The following USP22 variants were observed in gnomAD, a reference collection of about 807,000 sequenced individuals.
USP22 encodes ubiquitin carboxyl-terminal hydrolase 22.
A neutral mutation model predicts 68.1 loss-of-function variants in USP22; 22 were observed. That is an observed-to-expected ratio of 0.32 (90% CI 0.23 to 0.46). The LOEUF (loss-of-function observed/expected upper bound fraction) is 0.46. Among genes scored for constraint, USP22 ranks in the 20% least tolerant of loss-of-function variants. The pLI is 1.00. For missense variants in USP22, 433 were observed against 695.8 expected (o/e 0.62, Z 4.25); for synonymous variants, 279 against 274.2 (o/e 1.02, Z -0.17).
rs1913579105 is a variant in USP22, at chr17:21,001,602, GCTGT to G, written c.*1425_*1428del. 6.6e-6 allele frequency: 1 copy of G among 152,120 alleles called. No individual in the cohort carries two copies. The highest frequency in any genetic ancestry group is 6.5e-5 in the Admixed American group (1 of 15,270). 9.4% of individuals were successfully genotyped at this position (152,120 alleles called of 1,614,324 possible). ...CAGAGCCAACAGTGTTTACTCCCTG[GCTGT>G]CTATGAAAACATCTGCCCACCGCTG... is the stretch of plus-strand genomic sequence containing the variant. On this transcript the variant is annotated 3_prime_UTR_variant, in exon 13 of 13. Transcript: ENST00000261497.
chr17:21,027,498 G>A (rs1177401143), intron 2 of USP22, among the ~76,000 whole-genome samples: 5 of 150,622 alleles, frequency 3.3e-5, no homozygotes, highest in Admixed American at 3.3e-4. Context: ...CTTCAGGGCG[G>A]GAAAGCCTAA....
chr17:21,007,167 C>T (rs548789936), intron 9 of USP22, among the ~76,000 whole-genome samples, 180 bp from the exon 10 acceptor site: 3 of 152,310 alleles, frequency 2.0e-5, no homozygotes, highest in Non-Finnish European at 4.4e-5. Flanking sequence ...CACCCAAGTC[C>T]TCATTTACAG....
intron 1 of USP22, among the ~76,000 whole-genome samples, chr17:21,032,204 C>T (rs58235085): frequency 0.2 from 30,962 of 152,246 alleles, 3,867 homozygotes; most frequent in South Asian, 0.29. Flanking sequence ...CCATCTCACA[C>T]AGCCTGGGTG....
intron 8 of USP22, among the ~76,000 whole-genome samples, chr17:21,010,742 G>C (rs537337213): frequency 4.0e-5 from 6 of 151,890 alleles, no homozygotes; most frequent in South Asian, 4.2e-4. Context: ...TTCAAAAACA[G>C]CCCTAAGAGT....
intron 1 of USP22, among the ~76,000 whole-genome samples, chr17:21,037,448 T>C (rs373273787): frequency 3.3e-5 from 5 of 152,204 alleles, no homozygotes; most frequent in African/African-American, 7.2e-5. Context: ...CTTGACAGCA[T>C]CATCCTTAAT....
rs149886063 is a variant in USP22 at position 20,999,949 on chromosome 17, A to C, written c.*3082T>G. The C allele has an allele frequency of 1.3e-5, 2 of 152,456 alleles. No homozygotes were observed. The highest frequency in any genetic ancestry group is 4.8e-5 in the African/African-American group (2 of 41,560). 9.4% of individuals were successfully genotyped at this position (152,456 alleles called of 1,614,324 possible). A position where few individuals can be genotyped will look rare whatever the true frequency, so the allele number is the denominator to read the frequency against. On this transcript the variant is annotated 3_prime_UTR_variant, in exon 13 of 13. Transcript: ENST00000261497. Reference sequence around the variant, plus strand: ...CTCACCACGAAGCCCAGGTCCACGGAGGGAGCCAAGGTCCACAGAGGGCCC... The same window carrying C: ...CTCACCACGAAGCCCAGGTCCACGGCGGGAGCCAAGGTCCACAGAGGGCCC...
At chr17:21,021,088 C>CTCCCGTT in intron 3 of USP22, 25 bp downstream of exon 3, 1 of 1,566,776 alleles carries the variant, frequency 6.4e-7, no homozygotes, top group Middle Eastern at 1.7e-4. Context: ...CAGGATCAAG[C>CTCCCGTT]AGGTAAACTG....
intron 8 of USP22, among the ~76,000 whole-genome samples, chr17:21,008,624 A>G (rs1361889477): frequency 6.6e-6 from 1 of 152,126 alleles, no homozygotes; most frequent in African/African-American, 2.4e-5. Context: ...GTGAGGGAGG[A>G]GGCACTGGAG....
intron 10 of USP22, 194 bp from the exon 11 acceptor site, chr17:21,005,184 G>A (rs1913741280): frequency 1.2e-5 from 8 of 663,698 alleles, no homozygotes; most frequent in Non-Finnish European, 5.0e-6. Flanking sequence ...CCCTGCCTCA[G>A]AGCACACCTG....
rs1243560677 is a variant in USP22 at position 21,042,868 on chromosome 17, G to A, written c.-33C>T. The A allele has an allele frequency of 1.8e-5, 22 of 1,233,664 alleles. No homozygotes were observed. The highest frequency in any genetic ancestry group is 2.1e-5 in the Non-Finnish European group (21 of 985,840). The allele number at this position is 1,233,664 out of a possible 1,614,324, so 76.4% of individuals were successfully genotyped here. On this transcript the variant is annotated 5_prime_UTR_variant, in exon 1 of 13. Coordinates refer to ENST00000261497, the MANE Select transcript of USP22 (RefSeq NM_015276.2). Reference sequence around the variant, plus strand: ...AAGGCCCGGCCGCGCGCGGGGGGCGGCGGCGAGGGAGGCGAGGACGACGCC... The same window carrying A: ...AAGGCCCGGCCGCGCGCGGGGGGCGACGGCGAGGGAGGCGAGGACGACGCC...
chr17:21,004,789 A>C lies in USP22; in HGVS notation c.1385+139T>G, dbSNP rs200153998. ...TTTCCTAGTGGAGCTGCGGGCAGCC[A>C]ATAGTGGAGCTGCGGGCAGCCAAGC... is the stretch of plus-strand genomic sequence containing the variant. On this transcript the variant is annotated intron_variant, in intron 11 of 12. Coordinates refer to ENST00000261497, the MANE Select transcript of USP22 (RefSeq NM_015276.2). 7 of 88,032 alleles carry C rather than the reference A, an allele frequency of 8.0e-5. 1 individual carries two copies. Among genetic ancestry groups the C allele is most frequent in the African/African-American group, 2.1e-4 (6 of 28,516 alleles). 5.5% of individuals were successfully genotyped at this position (88,032 alleles called of 1,614,324 possible). A position where few individuals can be genotyped will look rare whatever the true frequency, so the allele number is the denominator to read the frequency against.
chr17:21,023,220 A>G (rs1471568431), intron 2 of USP22, among the ~76,000 whole-genome samples: 1 of 152,086 alleles, frequency 6.6e-6, no homozygotes, highest in African/African-American at 2.4e-5. Flanking sequence ...AAAAACAAAC[A>G]AAAAAAATTG....
At chr17:21,009,319 T>C (rs779863722) in intron 8 of USP22, among the ~76,000 whole-genome samples, 2 of 152,156 alleles carry the variant, frequency 1.3e-5, no homozygotes, top group African/African-American at 4.8e-5. Flanking sequence ...TGGAAAGCCC[T>C]TATTTATGCT....
chr17:21,021,550 T>C (rs977860328), intron 2 of USP22, among the ~76,000 whole-genome samples: 1 of 152,222 alleles, frequency 6.6e-6, no homozygotes, highest in African/African-American at 2.4e-5. Context: ...CTGGTACAAC[T>C]GCATTGGATA....
chr17:21,029,341 GA>G (rs1383916445), intron 1 of USP22, among the ~76,000 whole-genome samples: 1 of 152,084 alleles, frequency 6.6e-6, no homozygotes, highest in African/African-American at 2.4e-5. Context: ...TGAGTAAGAG[GA>G]ATTATTTATA....
In USP22 at chr17:21,000,191, AC is replaced by A. The variant is rs1244025857; in HGVS notation, c.*2839del. 6.6e-6 allele frequency: 1 copy of A among 152,230 alleles called. No homozygotes were observed. The highest frequency in any genetic ancestry group is 1.5e-5 in the Non-Finnish European group (1 of 68,050). The allele number at this position is 152,230 out of a possible 1,614,324, so 9.4% of individuals were successfully genotyped here. A position where few individuals can be genotyped will look rare whatever the true frequency, so the allele number is the denominator to read the frequency against. On this transcript the variant is annotated 3_prime_UTR_variant, in exon 13 of 13. Transcript: ENST00000261497. Reference sequence around the variant, plus strand: ...TCAGATGCACTTTGTCACAATGTACACCTACATGGGGTGATTACTAGGCAAC... The same window carrying A: ...TCAGATGCACTTTGTCACAATGTACACTACATGGGGTGATTACTAGGCAAC...
chr17:21,030,617 A>G (rs1191199693), intron 1 of USP22, among the ~76,000 whole-genome samples: 4 of 152,348 alleles, frequency 2.6e-5, no homozygotes, highest in Non-Finnish European at 1.5e-5. Context: ...TGCTCAGACC[A>G]ACACGACCCA....
rs369102007 is a variant in USP22 at position 21,004,417 on chromosome 17, A to G, written c.1386-66T>C. The G allele has an allele frequency of 3.5e-5, 55 of 1,587,888 alleles. 1 individual carries two copies. The highest frequency in any genetic ancestry group is 2.0e-4 in the East Asian group (9 of 44,492). ...GATGCCGTCACTTGAGGTCATCACC[A>G]TCAGAAACCAGGCAGCCCAGGCAGG... On this transcript the variant is annotated intron_variant, in intron 11 of 12. Transcript: ENST00000261497.
chr17:21,003,854 C>A (rs577118422), intron 12 of USP22, among the ~76,000 whole-genome samples: 187 of 146,286 alleles, frequency 1.3e-3, no homozygotes, highest in Non-Finnish European at 2.3e-3. Flanking sequence ...GAGCTGAGAT[C>A]ATGCCATTGC....
Sources: allele counts gnomAD v4.1 joint callset (sites outside exome capture counted in the v4.1 genomes callset), GRCh38; gene constraint gnomAD v4.1.1; transcripts MANE v1.5; gene names NCBI Gene and HGNC (gene_info 2026-07-23, HGNC 2026-07-21).